Variants in XKR9 observed in about 807,000 individuals in gnomAD.
The protein encoded by XKR9 is XK-related protein 9.
In XKR9, 32 loss-of-function variants were observed where a neutral mutation model predicts 32.0. The observed-to-expected ratio is 1.00, with a 90% CI of 0.76 to 1.34. XKR9 has a LOEUF of 1.34. Ranked by LOEUF, XKR9 falls within the 40% of genes most tolerant of loss-of-function variation. The probability of loss-of-function intolerance (pLI) is 0.00; values close to 1 mark genes in which losing one functional copy is unlikely to be tolerated. For synonymous variants in XKR9, 168 were observed against 143.4 expected (o/e 1.17, Z -1.22); for missense variants, 546 against 429.7 (o/e 1.27, Z -2.39).
intron 3 of XKR9, among the ~76,000 whole-genome samples, chr8:70,694,417 C>G (rs1281431698): frequency 1.3e-5 from 2 of 151,132 alleles, no homozygotes; most frequent in Non-Finnish European, 3.0e-5. Context: ...AGGGGGAATT[C>G]AGATCTGTGT....
At chr8:70,928,087 A>G in the XKR9 span, among the ~76,000 whole-genome samples, 3 of 152,160 alleles carry the variant, frequency 2.0e-5, no homozygotes, top group African/African-American at 7.2e-5. Context: ...CTGTCAACCA[A>G]GCTGGAGTGC....
the XKR9 span, among the ~76,000 whole-genome samples, chr8:70,918,622 G>A: frequency 6.6e-6 from 1 of 151,820 alleles, no homozygotes; most frequent in Middle Eastern, 3.2e-3. Context: ...TTTCCTAGGA[G>A]GCAGAGATTG....
downstream of XKR9, among the ~76,000 whole-genome samples, chr8:70,739,738 T>G (rs1311020984): frequency 1.8e-4 from 27 of 152,156 alleles, no homozygotes; most frequent in African/African-American, 4.3e-4. Context: ...GCTTAGTTTG[T>G]CTGGATATGA....
intron 2 of XKR9, among the ~76,000 whole-genome samples, chr8:70,776,091 G>C (rs1261482715): frequency 6.6e-6 from 1 of 151,908 alleles, no homozygotes; most frequent in African/African-American, 2.4e-5. Context: ...ATTGGTATTG[G>C]GAAAGCCCTG....
At chr8:70,929,661 C>T in the XKR9 span, among the ~76,000 whole-genome samples, 2 of 152,184 alleles carry the variant, frequency 1.3e-5, no homozygotes, top group African/African-American at 4.8e-5. Context: ...GGTTTGCTCT[C>T]AGCATCTAGA....
the XKR9 span, among the ~76,000 whole-genome samples, chr8:70,805,604 C>T: frequency 6.6e-6 from 1 of 152,206 alleles, no homozygotes; most frequent in African/African-American, 2.4e-5. Context: ...GGTCCCAAGA[C>T]ATGTTCCCCC....
At chr8:70,878,122 C>T in the XKR9 span, among the ~76,000 whole-genome samples, 1 of 152,172 alleles carries the variant, frequency 6.6e-6, no homozygotes, top group African/African-American at 2.4e-5. Flanking sequence ...AGAGATTTGT[C>T]ACCACCAGGC....
chr8:70,968,848 C>A, the XKR9 span, among the ~76,000 whole-genome samples: 2 of 152,144 alleles, frequency 1.3e-5, no homozygotes, highest in African/African-American at 2.4e-5. Context: ...GGGCACAGAC[C>A]TGATGCTTCC....
chr8:70,774,037 T>G (rs1253644176), intron 2 of XKR9, among the ~76,000 whole-genome samples: 3 of 152,160 alleles, frequency 2.0e-5, no homozygotes, highest in Non-Finnish European at 4.4e-5. Flanking sequence ...CATCCATCCC[T>G]TCCTTGAGGT....
chr8:70,797,161 T>G, the XKR9 span, among the ~76,000 whole-genome samples: 1 of 152,188 alleles, frequency 6.6e-6, no homozygotes, highest in Non-Finnish European at 1.5e-5. Flanking sequence ...CAGTTAATGC[T>G]TCAGCAAGGA....
At chr8:71,004,541 C>T in the XKR9 span, among the ~76,000 whole-genome samples, 1 of 152,208 alleles carries the variant, frequency 6.6e-6, no homozygotes, top group African/African-American at 2.4e-5. Flanking sequence ...GTAAGCAGCT[C>T]CTTACCAGAC....
chr8:70,817,743 T>A, the XKR9 span, among the ~76,000 whole-genome samples: 465 of 152,116 alleles, frequency 3.1e-3, 3 homozygotes, highest in African/African-American at 0.011. Context: ...GGTTACAGTA[T>A]GCTACTGGTT....
chr8:70,686,601 G>C (rs984332797), intron 3 of XKR9, among the ~76,000 whole-genome samples: 2 of 151,868 alleles, frequency 1.3e-5, no homozygotes, highest in Admixed American at 1.3e-4. Flanking sequence ...GTGCCACCAT[G>C]CCTGGCTAAT....
At chr8:70,775,098 T>G (rs1807501746) in intron 2 of XKR9, among the ~76,000 whole-genome samples, 1 of 152,098 alleles carries the variant, frequency 6.6e-6, no homozygotes, top group Non-Finnish European at 1.5e-5. Context: ...GTAAATAGTA[T>G]TATTTTCTAA....
At chr8:70,774,672 C>T (rs1807496089) in intron 2 of XKR9, among the ~76,000 whole-genome samples, 1 of 152,178 alleles carries the variant, frequency 6.6e-6, no homozygotes, top group South Asian at 2.1e-4. Context: ...TGTCCTCTCC[C>T]CATCAAATTA....
the XKR9 span, among the ~76,000 whole-genome samples, chr8:70,956,660 C>G: frequency 6.6e-6 from 1 of 152,150 alleles, no homozygotes; most frequent in Admixed American, 6.5e-5. Flanking sequence ...CCCCAGCCCC[C>G]CTCCCGTGCC....
chr8:70,980,777 A>G, the XKR9 span, among the ~76,000 whole-genome samples: 1 of 152,152 alleles, frequency 6.6e-6, no homozygotes, highest in Non-Finnish European at 1.5e-5. Flanking sequence ...GGTGTAATTC[A>G]AGGATTTGTT....
the XKR9 span, among the ~76,000 whole-genome samples, chr8:70,924,427 TA>T: frequency 6.6e-6 from 1 of 152,160 alleles, no homozygotes; most frequent in East Asian, 1.9e-4. Flanking sequence ...CTATTATCTA[TA>T]GGGGGAAAAT....
At chr8:70,775,421 A>T (rs1807505448) in intron 2 of XKR9, among the ~76,000 whole-genome samples, 1 of 152,156 alleles carries the variant, frequency 6.6e-6, no homozygotes, top group African/African-American at 2.4e-5. Context: ...GTAATATCAT[A>T]CTATTAAGCA....
Sources: gnomAD v4.1 joint callset for allele counts (sites outside exome capture counted in the v4.1 genomes callset) on GRCh38, gnomAD v4.1.1 for gene constraint, MANE v1.5 for transcripts, NCBI Gene and HGNC (gene_info 2026-07-23, HGNC 2026-07-21) for gene names.